SFTPA1: variants seen among roughly 807,000 people sequenced by gnomAD.
The protein encoded by SFTPA1 is pulmonary surfactant-associated protein A1.
In SFTPA1, 13 loss-of-function variants were observed where a neutral mutation model predicts 19.1. That is an observed-to-expected ratio of 0.68 (90% CI 0.44 to 1.08). The LOEUF (loss-of-function observed/expected upper bound fraction) is 1.08. Ranked by LOEUF, SFTPA1 falls within the 50% of genes least tolerant of loss-of-function variation. SFTPA1 has a pLI of 0.00. For missense variants in SFTPA1, 259 were observed against 316.4 expected (o/e 0.82, Z 1.38); for synonymous variants, 101 against 117.0 (o/e 0.86, Z 0.88).
chr10:79,611,753 G>C, intron 2 of SFTPA1, 50 bp from the exon 3 acceptor site: 1 of 1,613,230 alleles, frequency 6.2e-7, no homozygotes, highest in Non-Finnish European at 8.5e-7. Context: ...GCACAGTGGG[G>C]GAGATGTTGG....
Position 79,612,382 on chromosome 10 carries a change from C to A in SFTPA1, c.243C>A (p.Ile81=), listed in dbSNP as rs771971592. 26 of 1,613,716 alleles carry A rather than the reference C, an allele frequency of 1.6e-5. No individual in the cohort carries two copies. The East Asian group carries it at 5.6e-4, about 35-fold the overall frequency. ...ATGGGCTGCCTGGAGCCCCTGGTAT[C>A]CCTGGAGAGTGTGGAGAGAAGGGGG... ...GNDGLPGAPG[I]PGECGEKGEP... Residue 81 remains isoleucine, a synonymous_variant, in exon 4 of 6, where the codon ATC becomes ATA. Coordinates refer to ENST00000398636, the MANE Select transcript of SFTPA1 (RefSeq NM_005411.5).
rs148451636 is a variant in SFTPA1 at position 79,614,366 on chromosome 10, G to A, written c.*253G>A. ...CCCCAGGCAGCCACTCTTAGCCTTG[G>A]CCTTCGACATGAGATGGAGCCCTCC... On this transcript the variant is annotated 3_prime_UTR_variant, in exon 6 of 6. Transcript: ENST00000398636. The A allele has an allele frequency of 4.7e-4, 285 of 605,918 alleles. No individual in the cohort carries two copies. The highest frequency in any genetic ancestry group is 4.6e-3 in the African/African-American group (250 of 54,136). 37.5% of individuals were successfully genotyped at this position (605,918 alleles called of 1,614,324 possible). A position where few individuals can be genotyped will look rare whatever the true frequency, so the allele number is the denominator to read the frequency against.
In SFTPA1 at chr10:79,612,436, G is replaced by A. The variant is rs773452202; in HGVS notation, c.292+5G>A. Reference sequence around the variant, plus strand: ...CTGGCGAGAGGGGCCCTCCAGGTGAGCAGGGTGGGGCAGGTGGGCAGTGGA... The same window carrying A: ...CTGGCGAGAGGGGCCCTCCAGGTGAACAGGGTGGGGCAGGTGGGCAGTGGA... On this transcript the variant is annotated splice_donor_5th_base_variant and intron_variant, in intron 4 of 5. Coordinates refer to ENST00000398636, the MANE Select transcript of SFTPA1 (RefSeq NM_005411.5). The A allele has an allele frequency of 1.2e-6, 2 of 1,613,088 alleles. No individual in the cohort carries two copies. Among genetic ancestry groups the A allele is most frequent in the Non-Finnish European group, 1.7e-6 (2 of 1,179,490 alleles).
In SFTPA1 at chr10:79,613,779, T is replaced by C. The variant is rs1395532425; in HGVS notation, c.413T>C (p.Val138Ala). Residue 138 changes from valine (V) to alanine (A), a missense_variant, in exon 6 of 6, where the codon GTC becomes GCC. By Grantham distance (64) the Val-to-Ala change is moderately conservative. Coordinates refer to ENST00000398636, the MANE Select transcript of SFTPA1 (RefSeq NM_005411.5). ...QGSIMTVGEK[V>A]FSSNGQSITF... ...TCCATAATGACAGTAGGAGAGAAGGTCTTCTCCAGCAATGGGCAGTCCATC... is the reference window on the plus strand; with the variant it reads ...TCCATAATGACAGTAGGAGAGAAGGCCTTCTCCAGCAATGGGCAGTCCATC... 6.2e-7 allele frequency: 1 copy of C among 1,613,810 alleles called. No homozygotes were observed. Among genetic ancestry groups the C allele is most frequent in the East Asian group, 2.2e-5 (1 of 44,882 alleles).
At chr10:79,613,351 T>A in intron 5 of SFTPA1, 85 bp downstream of exon 5, 1 of 1,588,978 alleles carries the variant, frequency 6.3e-7, no homozygotes, top group South Asian at 1.1e-5. Context: ...AACATAGAGA[T>A]TACAAATAGG....
intron 1 of SFTPA1, 95 bp from the exon 2 acceptor site, chr10:79,611,214 GGAGGGGCAGT>G (rs1461681755): frequency 1.9e-5 from 4 of 205,684 alleles, no homozygotes; most frequent in Non-Finnish European, 2.0e-5. Context: ...AGGGCCTACA[GGAGGGGCAGT>G]GAGAGAACAG....
intron 2 of SFTPA1, chr10:79,611,600 T>A: frequency 6.4e-7 from 1 of 1,550,744 alleles, no homozygotes; most frequent in Non-Finnish European, 8.7e-7. Flanking sequence ...CCCCACAACC[T>A]CCAGCCGGAG....
chr10:79,615,014 T>C lies in SFTPA1; in HGVS notation c.*901T>C, dbSNP rs1257381928. The C allele has an allele frequency of 1.5e-6, 2 of 1,305,210 alleles. No homozygotes were observed. Among genetic ancestry groups the C allele is most frequent in the African/African-American group, 1.5e-5 (1 of 65,840 alleles). The allele number at this position is 1,305,210 out of a possible 1,614,324, so 80.9% of individuals were successfully genotyped here. A position where few individuals can be genotyped will look rare whatever the true frequency, so the allele number is the denominator to read the frequency against. On this transcript the variant is annotated 3_prime_UTR_variant, in exon 6 of 6. Coordinates refer to ENST00000398636, the MANE Select transcript of SFTPA1 (RefSeq NM_005411.5). ...GTCGTGGGGTGGGCAAGGTAATCAGTGACAGTTGAAGATTTTTTTTTCCCA... is the reference window on the plus strand; with the variant it reads ...GTCGTGGGGTGGGCAAGGTAATCAGCGACAGTTGAAGATTTTTTTTTCCCA...
chr10:79,611,488 G>C, intron 2 of SFTPA1, 99 bp downstream of exon 2: 3 of 1,252,168 alleles, frequency 2.4e-6, no homozygotes, highest in Admixed American at 5.6e-5. Context: ...AGTTTCCCAG[G>C]GTAACATAGT....
Position 79,615,133 on chromosome 10 carries a change from T to C in SFTPA1, c.*1020T>C. ...CAGCTACCAAAATTACTACCAGAACTGTTACTATACACAGAGGCTATTGAC... is the reference window on the plus strand; with the variant it reads ...CAGCTACCAAAATTACTACCAGAACCGTTACTATACACAGAGGCTATTGAC... On this transcript the variant is annotated 3_prime_UTR_variant, in exon 6 of 6. Transcript: ENST00000398636. 1 of 1,292,728 alleles carries C rather than the reference T, an allele frequency of 7.7e-7. No individual in the cohort carries two copies. Among genetic ancestry groups the C allele is most frequent in the Non-Finnish European group, 1.0e-6 (1 of 979,244 alleles). 80.1% of individuals were successfully genotyped at this position (1,292,728 alleles called of 1,614,324 possible).
intron 1 of SFTPA1, 44 bp from the exon 2 acceptor site, chr10:79,611,275 G>A (rs918326357): frequency 4.7e-5 from 14 of 296,564 alleles, no homozygotes; most frequent in African/African-American, 2.4e-4. Flanking sequence ...ACCACCTTGA[G>A]GGGGGCCAGG....
chr10:79,611,531 C>T, intron 2 of SFTPA1, 142 bp downstream of exon 2: 1 of 1,504,368 alleles, frequency 6.6e-7, no homozygotes, highest in Non-Finnish European at 8.9e-7. Context: ...TGCACTGGAG[C>T]CCAGGTCCCC....
At position 79,611,329 on chromosome 10, in the gene SFTPA1, T is replaced by G; in HGVS notation, c.-84T>G. The G allele has an allele frequency of 2.5e-6, 1 of 395,436 alleles. No individual in the cohort carries two copies. Among genetic ancestry groups the G allele is most frequent in the Non-Finnish European group, 4.5e-6 (1 of 220,256 alleles). 24.5% of individuals were successfully genotyped at this position (395,436 alleles called of 1,614,324 possible). Reference sequence around the variant, plus strand: ...TTTTTTCATTCTCAGGTCGCTGATTTCTTGGAGCCTGAAAAGAAAGTAACA... The same window carrying G: ...TTTTTTCATTCTCAGGTCGCTGATTGCTTGGAGCCTGAAAAGAAAGTAACA... On this transcript the variant is annotated 5_prime_UTR_variant, in exon 2 of 6. Coordinates refer to ENST00000398636, the MANE Select transcript of SFTPA1 (RefSeq NM_005411.5).
Position 79,613,233 on chromosome 10 carries a change from G to A in SFTPA1, c.337G>A (p.Asp113Asn), listed in dbSNP as rs781192140. The change falls in exon 5 of 6, where the codon GAC (aspartate) becomes AAC (asparagine). Residue 113 changes from aspartate (D) to asparagine (N), a missense_variant. Transcript: ENST00000398636. ...TGAGGAGCTCCAAGCCACACTCCAC[G>A]ACTTTAGACATCAAATCCTGCAGAC... ...LDEELQATLH[D>N]FRHQILQTRG... 38 of 1,613,928 alleles carry A rather than the reference G, an allele frequency of 2.4e-5. No homozygotes were observed. The highest frequency in any genetic ancestry group is 1.7e-4 in the African/African-American group (13 of 74,888).
Position 79,614,968 on chromosome 10 carries a change from A to G in SFTPA1, c.*855A>G. 7.7e-7 allele frequency: 1 copy of G among 1,299,736 alleles called. No homozygotes were observed. Among genetic ancestry groups the G allele is most frequent in the Non-Finnish European group, 1.0e-6 (1 of 986,148 alleles). The allele number at this position is 1,299,736 out of a possible 1,614,324, so 80.5% of individuals were successfully genotyped here. A position where few individuals can be genotyped will look rare whatever the true frequency, so the allele number is the denominator to read the frequency against. On this transcript the variant is annotated 3_prime_UTR_variant, in exon 6 of 6. Coordinates refer to ENST00000398636, the MANE Select transcript of SFTPA1 (RefSeq NM_005411.5). ...ACCCAGATATTTCATTAAAATTATC[A>G]CGTGCCAGGTCTTAGGATATGTCGT... is the stretch of plus-strand genomic sequence containing the variant.
rs1228328921 is a variant in SFTPA1, at chr10:79,611,329, T to C, written c.-84T>C. ...TTTTTTCATTCTCAGGTCGCTGATTTCTTGGAGCCTGAAAAGAAAGTAACA... is the reference window on the plus strand; with the variant it reads ...TTTTTTCATTCTCAGGTCGCTGATTCCTTGGAGCCTGAAAAGAAAGTAACA... On this transcript the variant is annotated 5_prime_UTR_variant, in exon 2 of 6. Transcript: ENST00000398636. The C allele has an allele frequency of 1.8e-5, 7 of 395,318 alleles. No homozygotes were observed. In the Admixed American group the frequency reaches 2.9e-4, roughly 16 times the overall value. 24.5% of individuals were successfully genotyped at this position (395,318 alleles called of 1,614,324 possible).
intron 3 of SFTPA1, 75 bp from the exon 4 acceptor site, chr10:79,612,237 T>A (rs931098297): frequency 1.2e-6 from 2 of 1,612,490 alleles, no homozygotes; most frequent in African/African-American, 2.7e-5. Context: ...CTGGTGATAA[T>A]GGGCATCGAG....
In SFTPA1 at chr10:79,613,851, T is replaced by C; in HGVS notation, c.485T>C (p.Ile162Thr). 1 of 1,613,936 alleles carries C rather than the reference T, an allele frequency of 6.2e-7. No individual in the cohort carries two copies. Among genetic ancestry groups the C allele is most frequent in the Non-Finnish European group, 8.5e-7 (1 of 1,179,810 alleles). Residue 162 changes from isoleucine (I) to threonine (T), a missense_variant, in exon 6 of 6, where the codon ATT becomes ACT. Coordinates refer to ENST00000398636, the MANE Select transcript of SFTPA1 (RefSeq NM_005411.5). The part of the protein sequence containing the change: ...QEACARAGGR[I>T]AVPRNPEENE... ...GCATGTGCCAGAGCAGGCGGCCGCA[T>C]TGCTGTCCCAAGGAATCCAGAGGAA...
chr10:79,613,721 A>G lies in SFTPA1; in HGVS notation c.371-16A>G, dbSNP rs1860000465. ...CAAAGTGGTCAGTGGCCTGACCCGGACTCCTCTGCTCTCAGCCCTCAGTCT... is the reference window on the plus strand; with the variant it reads ...CAAAGTGGTCAGTGGCCTGACCCGGGCTCCTCTGCTCTCAGCCCTCAGTCT... On this transcript the variant is annotated splice_polypyrimidine_tract_variant and intron_variant, in intron 5 of 5. Transcript: ENST00000398636. The G allele has an allele frequency of 1.2e-6, 2 of 1,613,706 alleles. No homozygotes were observed. The highest frequency in any genetic ancestry group is 8.5e-7 in the Non-Finnish European group (1 of 1,179,834).
Sources: gnomAD v4.1 joint callset for allele counts on GRCh38, gnomAD v4.1.1 for gene constraint, MANE v1.5 for transcripts, NCBI Gene and HGNC (gene_info 2026-07-23, HGNC 2026-07-21) for gene names.